Variants in CFAP299 observed in about 807,000 individuals in gnomAD.
CFAP299 encodes the protein cilia and flagella associated protein 299.
Under a neutral mutation model 27.0 loss-of-function variants are expected in CFAP299, and 21 were observed. The observed-to-expected ratio is 0.78, with a 90% CI of 0.55 to 1.12. CFAP299 has a LOEUF of 1.12. Ranked by LOEUF, CFAP299 falls within the 50% of genes most tolerant of loss-of-function variation. The pLI, the probability that CFAP299 is intolerant of heterozygous loss-of-function variation, is 0.00. For missense variants in CFAP299, 310 were observed against 276.6 expected (o/e 1.12, Z -0.86); for synonymous variants, 104 against 98.1 (o/e 1.06, Z -0.36).
chr4:80,479,534 C>G (rs11946412), intron 2 of CFAP299, among the ~76,000 whole-genome samples: 30,407 of 151,742 alleles, frequency 0.2, 3,223 homozygotes, highest in South Asian at 0.29. Context: ...GGAAAAACAT[C>G]AAATGTTTCT....
Position 80,916,295 on chromosome 4 carries a change from A to ATATATATATATATATT in CFAP299, c.477-28514_477-28513insATATATATATATATTT, listed in dbSNP as rs1405206483. 5.3e-4 allele frequency among the ~76,000 whole-genome samples: 66 copies of ATATATATATATATATT among 125,520 alleles called. 1 individual carries two copies. Among genetic ancestry groups the ATATATATATATATATT allele is most frequent in the African/African-American group, 1.8e-3 (58 of 31,488 alleles). The allele number at this position is 125,520 out of a possible 152,430, so 82.3% of individuals were successfully genotyped here. The stretch of plus-strand genomic sequence containing the variant: ...TATATATATATATATATATATATAT[A>ATATATATATATATATT]TTTCAGGTACAGATCATCTGTTCCT... On this transcript the variant is annotated intron_variant, in intron 4 of 5. Transcript: ENST00000358105.
chr4:80,883,391 C>T (rs1226445532), intron 4 of CFAP299, among the ~76,000 whole-genome samples: 1 of 151,946 alleles, frequency 6.6e-6, no homozygotes, highest in Admixed American at 6.6e-5. Flanking sequence ...AAAGAAACTA[C>T]AAAATGTTCA....
chr4:80,391,056 CAT>C (rs893015239), intron 2 of CFAP299, among the ~76,000 whole-genome samples: 2 of 151,360 alleles, frequency 1.3e-5, no homozygotes, highest in Non-Finnish European at 2.9e-5. Context: ...TATATACACA[CAT>C]ATATATACAT....
intron 3 of CFAP299, among the ~76,000 whole-genome samples, chr4:80,616,198 A>T (rs1560657977): frequency 6.6e-6 from 1 of 152,082 alleles, no homozygotes; most frequent in Non-Finnish European, 1.5e-5. Flanking sequence ...GGTGCCTAGG[A>T]CTGGAAGCAG....
chr4:80,739,625 A>G (rs964700736), intron 3 of CFAP299, among the ~76,000 whole-genome samples: 3 of 151,884 alleles, frequency 2.0e-5, no homozygotes, highest in African/African-American at 7.3e-5. Flanking sequence ...TATTCATCCT[A>G]GATCTTCAAA....
intron 2 of CFAP299, among the ~76,000 whole-genome samples, chr4:80,442,567 G>T (rs1185690046): frequency 6.6e-6 from 1 of 152,050 alleles, no homozygotes; most frequent in African/African-American, 2.4e-5. Flanking sequence ...GTGTTTAGAG[G>T]GAAATTTATA....
rs374110222 is a variant in CFAP299, at chr4:80,561,518, G to T, written c.243-21575G>T. On this transcript the variant is annotated intron_variant, in intron 2 of 5. Coordinates refer to ENST00000358105, the MANE Select transcript of CFAP299 (RefSeq NM_152770.3). Reference sequence around the variant, plus strand: ...GAAAATGTGTGACCTTTCAGACAGAGAATTCAAAATAGCTGTATTGAGGAA... The same window carrying T: ...GAAAATGTGTGACCTTTCAGACAGATAATTCAAAATAGCTGTATTGAGGAA... Among the ~76,000 whole-genome samples the T allele has an allele frequency of 2.1e-4, 32 of 152,122 alleles. No individual in the cohort carries two copies. In the South Asian group the frequency reaches 6.2e-3, roughly 30 times the overall value.
rs187886401 is a variant in CFAP299, at chr4:80,657,869, C to T, written c.333+74686C>T. On this transcript the variant is annotated intron_variant, in intron 3 of 5. Coordinates refer to ENST00000358105, the MANE Select transcript of CFAP299 (RefSeq NM_152770.3). ...ATTCTTCCTATCCATGAGCATAGAA[C>T]GTTTTCCATTGGTTTGTGTCCTCTC... Among the ~76,000 whole-genome samples, 537 of 152,092 alleles carry T rather than the reference C, an allele frequency of 3.5e-3. 4 individuals are homozygous for T. The highest frequency in any genetic ancestry group is 0.012 in the African/African-American group (501 of 41,524).
At chr4:80,802,934 A>G (rs921240338) in intron 3 of CFAP299, among the ~76,000 whole-genome samples, 7 of 152,080 alleles carry the variant, frequency 4.6e-5, no homozygotes, top group Admixed American at 4.6e-4. Flanking sequence ...CTTTATTGAC[A>G]AAAAGTTAAA....
intron 1 of CFAP299, among the ~76,000 whole-genome samples, chr4:80,351,893 A>G (rs986582268): frequency 6.7e-6 from 1 of 150,294 alleles, no homozygotes; most frequent in Non-Finnish European, 1.5e-5. Context: ...AATAATTATG[A>G]TTTATAAATA....
intron 2 of CFAP299, among the ~76,000 whole-genome samples, chr4:80,475,726 G>A (rs761410948): frequency 1.4e-4 from 22 of 152,192 alleles, no homozygotes; most frequent in Non-Finnish European, 2.5e-4. Context: ...AGAGTTGTAC[G>A]TTCAGAAATA....
intron 3 of CFAP299, among the ~76,000 whole-genome samples, chr4:80,863,516 G>C (rs1251643749): frequency 1.3e-5 from 2 of 152,040 alleles, no homozygotes; most frequent in Non-Finnish European, 2.9e-5. Flanking sequence ...GAGGTCACAG[G>C]CTCCCTCAGT....
At chr4:80,861,173 T>C (rs1469182449) in intron 3 of CFAP299, among the ~76,000 whole-genome samples, 1 of 152,174 alleles carries the variant, frequency 6.6e-6, no homozygotes, top group African/African-American at 2.4e-5. Flanking sequence ...ACTGCTATGC[T>C]AGCAATCAGC....
intron 2 of CFAP299, among the ~76,000 whole-genome samples, chr4:80,443,460 G>T (rs901880055): frequency 6.6e-6 from 1 of 152,084 alleles, no homozygotes; most frequent in African/African-American, 2.4e-5. Context: ...TGCAGAAAAG[G>T]CCTTCGATAA....
At chr4:80,811,289 A>T (rs1729141319) in intron 3 of CFAP299, among the ~76,000 whole-genome samples, 1 of 152,062 alleles carries the variant, frequency 6.6e-6, no homozygotes, top group South Asian at 2.1e-4. Flanking sequence ...TACCTAATCT[A>T]TTTACTCTGT....
intron 3 of CFAP299, among the ~76,000 whole-genome samples, chr4:80,806,495 C>T (rs1186977721): frequency 6.6e-6 from 1 of 152,150 alleles, no homozygotes; most frequent in Non-Finnish European, 1.5e-5. Flanking sequence ...ATTTATTGGC[C>T]TTCTACCATG....
At chr4:80,855,358 T>C (rs562579183) in intron 3 of CFAP299, among the ~76,000 whole-genome samples, 1 of 152,182 alleles carries the variant, frequency 6.6e-6, no homozygotes, top group East Asian at 1.9e-4. Context: ...TATTTCTCCT[T>C]TATAAATCAT....
intron 2 of CFAP299, among the ~76,000 whole-genome samples, chr4:80,408,767 G>A (rs1458229588): frequency 6.6e-6 from 1 of 151,714 alleles, no homozygotes; most frequent in South Asian, 2.1e-4. Context: ...GTAAATGGGA[G>A]AAATGGGCAA....
chr4:80,848,318 C>G (rs2110145385), intron 3 of CFAP299, among the ~76,000 whole-genome samples: 1 of 152,088 alleles, frequency 6.6e-6, no homozygotes, highest in East Asian at 1.9e-4. Flanking sequence ...CATAGTTATG[C>G]CTCAGGGATA....
Sources: allele counts gnomAD v4.1 joint callset (sites outside exome capture counted in the v4.1 genomes callset), GRCh38; gene constraint gnomAD v4.1.1; transcripts MANE v1.5; gene names NCBI Gene and HGNC (gene_info 2026-07-23, HGNC 2026-07-21).